SGIP1: variants seen among roughly 807,000 people sequenced by gnomAD.
SGIP1 encodes the protein SH3-containing GRB2-like protein 3-interacting protein 1.
In SGIP1, 38 loss-of-function variants were observed where a neutral mutation model predicts 107.5. The observed-to-expected ratio is 0.35, with a 90% CI of 0.27 to 0.46. The LOEUF (loss-of-function observed/expected upper bound fraction) is 0.46, where lower values mean the gene tolerates loss of function less well. SGIP1 is among the 20% of genes least tolerant of loss of function. The pLI, the probability that SGIP1 is intolerant of heterozygous loss-of-function variation, is 1.00. For synonymous variants in SGIP1, 365 were observed against 366.1 expected (o/e 1.00, Z 0.03); for missense variants, 929 against 1,019.5 (o/e 0.91, Z 1.21).
intron 1 of SGIP1, among the ~76,000 whole-genome samples, chr1:66,595,170 A>G (rs2148936577): frequency 6.6e-6 from 1 of 152,306 alleles, no homozygotes; most frequent in African/African-American, 2.4e-5. Flanking sequence ...CGTGCTGATC[A>G]TTGGCTTTTC....
intron 1 of SGIP1, chr1:66,616,002 T>C (rs2069202544): frequency 6.6e-6 from 1 of 152,226 alleles, no homozygotes; most frequent in African/African-American, 2.4e-5. Flanking sequence ...ACTGACCTAC[T>C]TTCAGATCAC....
rs1413480132 is a variant in SGIP1, at chr1:66,559,275, A to G, written c.10+24907A>G. The stretch of plus-strand genomic sequence containing the variant: ...GATGCTATTGGTTCATACTTTGGGT[A>G]GCAAGCTGACAGGCTTGCCATTTTT... On this transcript the variant is annotated intron_variant, in intron 1 of 24. Transcript: ENST00000371037. Among the ~76,000 whole-genome samples the G allele has an allele frequency of 4.6e-5, 7 of 152,094 alleles. No homozygotes were observed. The East Asian group carries it at 1.4e-3, about 29-fold the overall frequency.
chr1:66,742,765 G>A (rs562707001), intron 24 of SGIP1, among the ~76,000 whole-genome samples: 33 of 151,942 alleles, frequency 2.2e-4, no homozygotes, highest in Non-Finnish European at 3.8e-4. Context: ...CACCGCGCCC[G>A]GCCTATGAGC....
At chr1:66,672,116 C>T in intron 11 of SGIP1, 121 bp downstream of exon 11, 1 of 851,626 alleles carries the variant, frequency 1.2e-6, no homozygotes, top group South Asian at 1.5e-5. Context: ...CAAAACATGT[C>T]AGTCCATATG....
At chr1:66,624,083 G>C (rs1417423001) in intron 1 of SGIP1, among the ~76,000 whole-genome samples, 1 of 152,166 alleles carries the variant, frequency 6.6e-6, no homozygotes, top group Non-Finnish European at 1.5e-5. Flanking sequence ...TCAAGTTACA[G>C]GAAGTAAAGC....
intron 7 of SGIP1, among the ~76,000 whole-genome samples, chr1:66,654,000 T>G (rs1224965634): frequency 6.6e-6 from 1 of 152,178 alleles, no homozygotes; most frequent in African/African-American, 2.4e-5. Flanking sequence ...CCAGAGCTTG[T>G]AGGTTGTCTA....
Position 66,750,906 on chromosome 1 carries a change from T to C in SGIP1, c.*7811T>C, listed in dbSNP as rs942529982. Among the ~76,000 whole-genome samples, 6 of 152,236 alleles carry C rather than the reference T, an allele frequency of 3.9e-5. No individual in the cohort carries two copies. Among genetic ancestry groups the C allele is most frequent in the African/African-American group, 1.4e-4 (6 of 41,470 alleles). On this transcript the variant is annotated 3_prime_UTR_variant, in exon 25 of 25. Coordinates refer to ENST00000371037, the MANE Select transcript of SGIP1 (RefSeq NM_032291.4). The stretch of plus-strand genomic sequence containing the variant: ...CTTGCCTTATAAGTTAGAAATAGTA[T>C]GGATATCACTCTTTGTAAATAATAA...
chr1:66,625,144 TAG>T (rs2072321877), intron 1 of SGIP1, among the ~76,000 whole-genome samples: 1 of 152,160 alleles, frequency 6.6e-6, no homozygotes, highest in Non-Finnish European at 1.5e-5. Flanking sequence ...GTGGGGAGCA[TAG>T]AGTAGTCAGT....
chr1:66,684,112 A>C, intron 15 of SGIP1: 2 of 1,550,490 alleles, frequency 1.3e-6, no homozygotes, highest in East Asian at 4.9e-5. Context: ...TACAGATGGG[A>C]AAACTGAGGC....
At chr1:66,667,423 G>A (rs895202152) in intron 8 of SGIP1, 107 bp from the exon 9 acceptor site, 2 of 998,536 alleles carry the variant, frequency 2.0e-6, no homozygotes, top group African/African-American at 3.2e-5. Flanking sequence ...TCTCTGGAGT[G>A]TATGTTTGGT....
rs778429202 is a variant in SGIP1, at chr1:66,635,932, A to C, written c.100-12A>C. 1.5e-5 allele frequency: 25 copies of C among 1,613,546 alleles called. No homozygotes were observed. Among genetic ancestry groups the C allele is most frequent in the African/African-American group, 2.7e-5 (2 of 75,016 alleles). On this transcript the variant is annotated splice_polypyrimidine_tract_variant and intron_variant, in intron 3 of 24. Transcript: ENST00000371037. The stretch of plus-strand genomic sequence containing the variant: ...TAACCACTTTTTTCTACATGAAAAC[A>C]ATCAATTCCAGCAGCCCAGCCCACA...
intron 2 of SGIP1, among the ~76,000 whole-genome samples, chr1:66,629,740 G>A (rs1298831230): frequency 6.6e-6 from 1 of 152,124 alleles, no homozygotes; most frequent in Non-Finnish European, 1.5e-5. Context: ...CCTCATTAGA[G>A]GGGGTTAGAA....
In SGIP1 at chr1:66,634,269, TA is replaced by T. The variant is rs2075365586; in HGVS notation, c.99+1176del. 3.7e-6 allele frequency: 3 copies of T among 810,626 alleles called. No homozygotes were observed. In the East Asian group the frequency reaches 8.0e-5, roughly 22 times the overall value. The allele number at this position is 810,626 out of a possible 1,614,324, so 50.2% of individuals were successfully genotyped here. On this transcript the variant is annotated intron_variant, in intron 3 of 24. Transcript: ENST00000371037. ...AAGCTCTGTTAGCTACTCTGCTTTCTATCCTTGCTGCTCCCAGACTGGATTG... is the reference window on the plus strand; with the variant it reads ...AAGCTCTGTTAGCTACTCTGCTTTCTTCCTTGCTGCTCCCAGACTGGATTG...
intron 1 of SGIP1, among the ~76,000 whole-genome samples, chr1:66,614,716 C>T (rs1339583065): frequency 6.6e-6 from 1 of 151,230 alleles, no homozygotes; most frequent in Non-Finnish European, 1.5e-5. Flanking sequence ...AAGGGCAGTA[C>T]CATGTAATCT....
intron 15 of SGIP1, among the ~76,000 whole-genome samples, chr1:66,683,843 A>T (rs1034794187): frequency 6.7e-6 from 1 of 149,474 alleles, no homozygotes; most frequent in South Asian, 2.1e-4. Flanking sequence ...AGCTGGGATT[A>T]TAGGTGTGTG....
intron 1 of SGIP1, among the ~76,000 whole-genome samples, chr1:66,553,476 G>A (rs544572965): frequency 2.2e-4 from 34 of 151,920 alleles, no homozygotes; most frequent in Non-Finnish European, 4.3e-4. Flanking sequence ...AGAAGTTTGC[G>A]ACCAACCTGG....
intron 1 of SGIP1, among the ~76,000 whole-genome samples, chr1:66,618,183 T>C (rs1044485334): frequency 3.1e-4 from 47 of 152,362 alleles, no homozygotes; most frequent in African/African-American, 1.1e-3. Context: ...TAGTGTATCA[T>C]TGTGCACATT....
chr1:66,575,797 TG>T (rs2060979851), intron 1 of SGIP1, among the ~76,000 whole-genome samples: 2 of 152,222 alleles, frequency 1.3e-5, no homozygotes, highest in Non-Finnish European at 2.9e-5. Flanking sequence ...ATAAAATGTG[TG>T]GTGTGTGTGT....
At chr1:66,738,493 A>G (rs1397588283) in intron 21 of SGIP1, among the ~76,000 whole-genome samples, 1 of 152,156 alleles carries the variant, frequency 6.6e-6, no homozygotes, top group Non-Finnish European at 1.5e-5. Flanking sequence ...AACACTGTGA[A>G]TTTTTCACTG....
Sources: gnomAD v4.1 joint callset for allele counts (sites outside exome capture counted in the v4.1 genomes callset) on GRCh38, gnomAD v4.1.1 for gene constraint, MANE v1.5 for transcripts, NCBI Gene and HGNC (gene_info 2026-07-23, HGNC 2026-07-21) for gene names.